The following METTL15 variants were observed in gnomAD, a reference collection of about 807,000 sequenced individuals.
METTL15 encodes methyltransferase 15, mitochondrial 12S rRNA N4-cytidine.
METTL15 carries 34 observed loss-of-function variants against 38.3 expected under a neutral mutation model. The ratio of observed to expected loss-of-function variants is 0.89; its 90% CI spans 0.68 to 1.18. The LOEUF (loss-of-function observed/expected upper bound fraction) is 1.18. METTL15 is among the 50% of genes most tolerant of loss of function. METTL15 has a pLI of 0.00. For synonymous variants in METTL15, 162 were observed against 170.9 expected, an observed-to-expected ratio of 0.95 and a Z score of 0.41; for missense variants, 438 against 498.4, an observed-to-expected ratio of 0.88 and a Z score of 1.15.
chr11:28,369,510 G>C (rs1393257333), intron 5 of METTL15, among the ~76,000 whole-genome samples: 1 of 151,964 alleles, frequency 6.6e-6, no homozygotes, highest in African/African-American at 2.4e-5. Flanking sequence ...TAATCAAACC[G>C]TCCAAAGGCA....
At chr11:28,196,882 A>G (rs1371338925) in intron 3 of METTL15, among the ~76,000 whole-genome samples, 1 of 151,952 alleles carries the variant, frequency 6.6e-6, no homozygotes, top group Non-Finnish European at 1.5e-5. Flanking sequence ...AAATTGGCCT[A>G]TTGTTCAATT....
intron 5 of METTL15, among the ~76,000 whole-genome samples, chr11:28,413,957 A>C (rs762839181): frequency 6.6e-6 from 1 of 152,152 alleles, no homozygotes; most frequent in South Asian, 2.1e-4. Context: ...TTTGTGCACT[A>C]ATAGTTATAT....
chr11:28,295,691 G>A (rs1025196229), intron 5 of METTL15, among the ~76,000 whole-genome samples: 4 of 152,020 alleles, frequency 2.6e-5, no homozygotes, highest in Non-Finnish European at 5.9e-5. Flanking sequence ...ATGACAAATC[G>A]GGGGATAAGC....
At chr11:28,168,220 A>G (rs186430767) in intron 3 of METTL15, among the ~76,000 whole-genome samples, 117 of 152,164 alleles carry the variant, frequency 7.7e-4, no homozygotes, top group Admixed American at 5.8e-3. Context: ...AGAAAAAATA[A>G]GACAATGTCA....
intron 6 of METTL15, among the ~76,000 whole-genome samples, chr11:28,520,209 A>G (rs1378602017): frequency 1.3e-5 from 2 of 152,072 alleles, no homozygotes; most frequent in African/African-American, 2.4e-5. Flanking sequence ...GTAGTGGTGC[A>G]TACCTGTATT....
chr11:28,492,521 C>CAT (rs1491469056), intron 6 of METTL15, among the ~76,000 whole-genome samples: 1 of 3,296 alleles, frequency 3.0e-4, no homozygotes, highest in Non-Finnish European at 4.4e-3. Flanking sequence ...CAACTGGAGC[C>CAT]ACACACACAC....
At chr11:28,168,213 A>G (rs1411703135) in intron 3 of METTL15, among the ~76,000 whole-genome samples, 2 of 152,006 alleles carry the variant, frequency 1.3e-5, no homozygotes, top group East Asian at 1.9e-4. Flanking sequence ...TTCTTTTAGA[A>G]AAAATAAGAC....
intron 6 of METTL15, among the ~76,000 whole-genome samples, chr11:28,512,394 A>G (rs1851682884): frequency 2.0e-5 from 3 of 152,206 alleles, no homozygotes; most frequent in South Asian, 4.1e-4. Flanking sequence ...AGCAGCGCTC[A>G]TCAGGGAGGC....
At chr11:28,412,836 C>T (rs1850740618) in intron 5 of METTL15, among the ~76,000 whole-genome samples, 1 of 151,798 alleles carries the variant, frequency 6.6e-6, no homozygotes, top group Admixed American at 6.6e-5. Flanking sequence ...AACATGAGGA[C>T]TCAAGTTAAA....
At chr11:28,464,859 G>A (rs1438214627) in intron 6 of METTL15, among the ~76,000 whole-genome samples, 1 of 152,138 alleles carries the variant, frequency 6.6e-6, no homozygotes, top group Non-Finnish European at 1.5e-5. Context: ...AAAAAGATAA[G>A]TGCTATATTT....
intron 4 of METTL15, among the ~76,000 whole-genome samples, chr11:28,216,778 T>C (rs1261613626): frequency 6.9e-6 from 1 of 144,904 alleles, no homozygotes; most frequent in Non-Finnish European, 1.5e-5. Flanking sequence ...GTTCTCATTG[T>C]TCAACTCCAA....
At chr11:28,401,914 G>T (rs1009142334) in intron 5 of METTL15, among the ~76,000 whole-genome samples, 2 of 151,978 alleles carry the variant, frequency 1.3e-5, no homozygotes, top group African/African-American at 2.4e-5. Context: ...CTACAAAAGT[G>T]TACCTTAATA....
intron 6 of METTL15, among the ~76,000 whole-genome samples, chr11:28,504,671 A>T (rs1359594057): frequency 6.6e-6 from 1 of 152,262 alleles, no homozygotes; most frequent in Non-Finnish European, 1.5e-5. Context: ...TTATTAGGTC[A>T]TGCCCATGGC....
At chr11:28,382,260 G>A (rs561530523) in intron 5 of METTL15, among the ~76,000 whole-genome samples, 16 of 152,138 alleles carry the variant, frequency 1.1e-4, no homozygotes, top group South Asian at 2.1e-4. Flanking sequence ...CTGATGTGGC[G>A]TGTCTTTGGG....
intron 4 of METTL15, among the ~76,000 whole-genome samples, chr11:28,258,501 A>G (rs1385069318): frequency 1.3e-5 from 2 of 152,018 alleles, no homozygotes; most frequent in Non-Finnish European, 2.9e-5. Context: ...CAGAGGTGCT[A>G]TCTAGGAGCC....
intron 6 of METTL15, among the ~76,000 whole-genome samples, chr11:28,461,188 C>A (rs1247560834): frequency 2.0e-5 from 3 of 152,060 alleles, no homozygotes; most frequent in Non-Finnish European, 4.4e-5. Flanking sequence ...AAACATGAAT[C>A]CAATTCCATT....
chr11:28,290,175 T>A lies in METTL15; in HGVS notation c.408-31T>A, dbSNP rs528178271. On this transcript the variant is annotated intron_variant, in intron 4 of 6. Coordinates refer to ENST00000407364, the MANE Select transcript of METTL15 (RefSeq NM_001113528.2). ...TAGAAAGACTTCAATCTAACAGAAG[T>A]GTTTTCTCTATCTCCTGGGTTTACT... 3 of 1,557,278 alleles carry A rather than the reference T, an allele frequency of 1.9e-6. No homozygotes were observed. In the South Asian group the frequency reaches 3.6e-5, roughly 18 times the overall value.
chr11:28,261,040 C>T (rs921790982), intron 4 of METTL15, among the ~76,000 whole-genome samples: 45 of 152,096 alleles, frequency 3.0e-4, no homozygotes, highest in African/African-American at 9.2e-4. Context: ...ATAAAAGTCA[C>T]GTGTTTGTCT....
At chr11:28,387,797 C>T (rs1430284665) in intron 5 of METTL15, among the ~76,000 whole-genome samples, 1 of 152,008 alleles carries the variant, frequency 6.6e-6, no homozygotes, top group Admixed American at 6.6e-5. Context: ...ATTTCCTTAA[C>T]AAAATACTAG....
Sources: allele counts gnomAD v4.1 joint callset (sites outside exome capture counted in the v4.1 genomes callset), GRCh38; gene constraint gnomAD v4.1.1; transcripts MANE v1.5; gene names NCBI Gene and HGNC (gene_info 2026-07-23, HGNC 2026-07-21).